Variants in HNRNPA3 observed in about 807,000 individuals in gnomAD.
HNRNPA3 encodes the protein epididymis secretory sperm binding protein.
Under a neutral mutation model 45.8 loss-of-function variants are expected in HNRNPA3, and 3 were observed. That is an observed-to-expected ratio of 0.07 (90% confidence interval 0.03 to 0.17). The LOEUF (loss-of-function observed/expected upper bound fraction) is 0.17. HNRNPA3 is among the 10% of genes least tolerant of loss of function. The pLI, the probability that HNRNPA3 is intolerant of heterozygous loss-of-function variation, is 1.00. For missense variants in HNRNPA3, 183 were observed against 480.3 expected (o/e 0.38, Z 5.79); for synonymous variants, 170 against 155.6 (o/e 1.09, Z -0.69).
At chr2:177,223,618 T>G (rs1689282445), downstream of HNRNPA3, 1 of 152,240 alleles carries the variant, frequency 6.6e-6, no homozygotes, top group African/African-American at 2.4e-5. Flanking sequence ...AATTGAAACC[T>G]GACAGTATCT....
At chr2:177,215,399 T>A in intron 1 of HNRNPA3, 140 bp from the exon 2 acceptor site, 1 of 888,160 alleles carries the variant, frequency 1.1e-6, no homozygotes, top group Non-Finnish European at 1.8e-6. Context: ...CGGTGTCTGG[T>A]CAAAGTTTTA....
chr2:177,212,887 C>T lies in HNRNPA3; in HGVS notation c.72+16C>T, dbSNP rs1688741859. 8 of 1,421,746 alleles carry T rather than the reference C, an allele frequency of 5.6e-6. No homozygotes were observed. The highest frequency in any genetic ancestry group is 1.5e-5 in the African/African-American group (1 of 68,196). The allele number at this position is 1,421,746 out of a possible 1,614,324, so 88.1% of individuals were successfully genotyped here. On this transcript the variant is annotated intron_variant, in intron 1 of 10. Coordinates refer to ENST00000392524, the Ensembl canonical transcript of HNRNPA3. ...GGGGGAGGAGGTATTAGGGGGAGAGCGGGGGGTTGGTGGGGAATGGCCGGC... is the reference window on the plus strand; with the variant it reads ...GGGGGAGGAGGTATTAGGGGGAGAGTGGGGGGTTGGTGGGGAATGGCCGGC...
At chr2:177,217,490 C>T (rs569660592) in intron 7 of HNRNPA3, among the ~76,000 whole-genome samples, 6 of 152,158 alleles carry the variant, frequency 3.9e-5, no homozygotes, top group East Asian at 1.9e-4. Flanking sequence ...AATAGGGGAA[C>T]ATGGTGGCAC....
chr2:177,214,625 C>G (rs779919574), intron 1 of HNRNPA3, among the ~76,000 whole-genome samples: 3 of 152,140 alleles, frequency 2.0e-5, no homozygotes, highest in Admixed American at 6.5e-5. Flanking sequence ...GAAACCCCGT[C>G]TCTACTAAAA....
chr2:177,217,487 G>C (rs998333186), intron 7 of HNRNPA3, among the ~76,000 whole-genome samples: 3 of 152,148 alleles, frequency 2.0e-5, no homozygotes, highest in African/African-American at 7.2e-5. Flanking sequence ...TAAAATAGGG[G>C]AACATGGTGG....
intron 1 of HNRNPA3, among the ~76,000 whole-genome samples, chr2:177,213,706 G>A (rs1291101773): frequency 1.3e-5 from 2 of 152,276 alleles, no homozygotes; most frequent in Non-Finnish European, 2.9e-5. Context: ...GCTGAGGAGG[G>A]TGGGTGGAGA....
chr2:177,216,438 C>T, intron 4 of HNRNPA3, 65 bp from the exon 5 acceptor site: 2 of 1,167,952 alleles, frequency 1.7e-6, no homozygotes, highest in Non-Finnish European at 2.5e-6. Context: ...CAGAGGGTAT[C>T]TCATATATGT....
At chr2:177,217,474 A>G (rs891865441) in intron 7 of HNRNPA3, among the ~76,000 whole-genome samples, 3 of 152,152 alleles carry the variant, frequency 2.0e-5, no homozygotes, top group Non-Finnish European at 4.4e-5. Context: ...ATATCTAGAA[A>G]AATAAAATAG....
chr2:177,217,628 T>C (rs112205973), intron 7 of HNRNPA3, 77 bp from the exon 8 acceptor site: 1 of 1,570,184 alleles, frequency 6.4e-7, no homozygotes, highest in Non-Finnish European at 8.8e-7. Context: ...CCCAGTCTCT[T>C]ACACACACAC....
At chr2:177,217,628 T>TA (rs1689001322) in intron 7 of HNRNPA3, 77 bp from the exon 8 acceptor site, 7 of 1,570,184 alleles carry the variant, frequency 4.5e-6, no homozygotes, top group African/African-American at 1.3e-5. Flanking sequence ...CCCAGTCTCT[T>TA]ACACACACAC....
intron 1 of HNRNPA3, among the ~76,000 whole-genome samples, chr2:177,213,174 C>T (rs913379070): frequency 2.0e-5 from 3 of 151,982 alleles, no homozygotes; most frequent in Non-Finnish European, 4.4e-5. Flanking sequence ...CATGGCGGGC[C>T]CCGGCGGGAG....
In HNRNPA3 at chr2:177,215,971, T is replaced by C; in HGVS notation, c.343-7T>C. Reference sequence around the variant, plus strand: ...TTTCTTGACTTAATATATTACTTTATTTGTAGGATTCTGTAAAGCCTGGTG... The same window carrying C: ...TTTCTTGACTTAATATATTACTTTACTTGTAGGATTCTGTAAAGCCTGGTG... On this transcript the variant is annotated splice_region_variant and splice_polypyrimidine_tract_variant and intron_variant, in intron 3 of 10. Transcript: ENST00000392524. The C allele has an allele frequency of 3.7e-6, 6 of 1,602,586 alleles. No homozygotes were observed. The highest frequency in any genetic ancestry group is 5.1e-6 in the Non-Finnish European group (6 of 1,176,816).
At chr2:177,216,297 TGTATA>T (rs1688931404) in intron 4 of HNRNPA3, 109 bp downstream of exon 4, 3 of 784,980 alleles carry the variant, frequency 3.8e-6, no homozygotes, top group Admixed American at 2.6e-5. Flanking sequence ...GCATTTATAG[TGTATA>T]GTCAATTTTC....
downstream of HNRNPA3, chr2:177,220,441 A>G (rs1689139343): frequency 6.5e-6 from 1 of 154,588 alleles, no homozygotes; most frequent in Non-Finnish European, 1.5e-5. Flanking sequence ...TTAAAGCACA[A>G]GAGGCCCATA....
exon 10 of HNRNPA3, chr2:177,219,280 A>G: frequency 6.2e-7 from 1 of 1,613,718 alleles, no homozygotes. Context: ...AGTGGTGGAT[A>G]TGGTAGCAGA....
At chr2:177,218,054 T>TTTTTTTTC (rs1689027870) in intron 8 of HNRNPA3, among the ~76,000 whole-genome samples, 1 of 7,544 alleles carries the variant, frequency 1.3e-4, no homozygotes, top group African/African-American at 1.8e-4. Flanking sequence ...TCTTTTTTCT[T>TTTTTTTTC]TTTTTTTTTT....
chr2:177,215,495 C>T (rs772479984), intron 1 of HNRNPA3, 44 bp from the exon 2 acceptor site: 98 of 1,594,426 alleles, frequency 6.1e-5, no homozygotes, highest in Non-Finnish European at 8.0e-5. Context: ...CATCTTAATT[C>T]ATCTACTGTA....
At chr2:177,223,241 T>C (rs1689263745), downstream of HNRNPA3, 1 of 152,194 alleles carries the variant, frequency 6.6e-6, no homozygotes. Context: ...CTTTGATGAA[T>C]TTCCTTCACA....
Position 177,212,929 on chromosome 2 carries a change from G to T in HNRNPA3, c.72+58G>T, listed in dbSNP as rs1461796629. On this transcript the variant is annotated intron_variant, in intron 1 of 10. Transcript: ENST00000392524. ...ATGGCCGGCGTTGGGGGCCTGGTTCGGTGGGAGCGGGGAGGCCGGGTGGAC... is the reference window on the plus strand; with the variant it reads ...ATGGCCGGCGTTGGGGGCCTGGTTCTGTGGGAGCGGGGAGGCCGGGTGGAC... 8.6e-6 allele frequency: 10 copies of T among 1,159,380 alleles called. 1 individual carries two copies. In the East Asian group the frequency reaches 1.9e-4, roughly 22 times the overall value. 71.8% of individuals were successfully genotyped at this position (1,159,380 alleles called of 1,614,324 possible).
Sources: allele counts gnomAD v4.1 joint callset (sites outside exome capture counted in the v4.1 genomes callset), GRCh38; gene constraint gnomAD v4.1.1; transcripts MANE v1.5; gene names NCBI Gene and HGNC (gene_info 2026-07-23, HGNC 2026-07-21).